Variants in GALC observed in about 807,000 individuals in gnomAD.
GALC encodes galactocerebrosidase.
GALC carries 77 observed loss-of-function variants against 91.8 expected under a neutral mutation model. The observed-to-expected ratio is 0.84, with a 90% CI of 0.70 to 1.01. GALC has a LOEUF of 1.01. GALC is among the 50% of genes least tolerant of loss of function. The pLI is 0.00. For missense variants in GALC, 882 were observed against 855.9 expected (o/e 1.03, Z -0.38); for synonymous variants, 357 against 306.7 (o/e 1.16, Z -1.71).
chr14:87,981,834 A>G (rs1458058336), intron 6 of GALC, among the ~76,000 whole-genome samples: 2 of 152,116 alleles, frequency 1.3e-5, no homozygotes, highest in Admixed American at 6.5e-5. Flanking sequence ...AATATATGCC[A>G]TAAGTTTTGA....
At chr14:87,936,658 G>A (rs1447612118) in intron 16 of GALC, among the ~76,000 whole-genome samples, 1 of 151,292 alleles carries the variant, frequency 6.6e-6, no homozygotes, top group Non-Finnish European at 1.5e-5. Context: ...ATACAGTAGG[G>A]GCTTAATAAA....
chr14:87,986,130 G>C lies in GALC; in HGVS notation c.442+359C>G, dbSNP rs925840960. On this transcript the variant is annotated intron_variant, in intron 4 of 16. Coordinates refer to ENST00000261304, the MANE Select transcript of GALC (RefSeq NM_000153.4). Reference sequence around the variant, plus strand: ...TTTATAAATACTGATGACAGATCTTGTGAAGGAAAGTAGTTTAGCATCATA... The same window carrying C: ...TTTATAAATACTGATGACAGATCTTCTGAAGGAAAGTAGTTTAGCATCATA... 5.3e-5 allele frequency among the ~76,000 whole-genome samples: 8 copies of C among 152,282 alleles called. No individual in the cohort carries two copies. In the East Asian group the frequency reaches 1.2e-3, roughly 22 times the overall value.
chr14:87,954,273 G>C, intron 10 of GALC: 1 of 1,542,296 alleles, frequency 6.5e-7, no homozygotes, highest in Non-Finnish European at 9.0e-7. Context: ...TGATGTATTA[G>C]TCCACACAAT....
At chr14:87,959,808 T>A (rs987715546) in intron 10 of GALC, 2 of 151,524 alleles carry the variant, frequency 1.3e-5, no homozygotes, top group Non-Finnish European at 2.9e-5. Flanking sequence ...ATAAAATATA[T>A]ATGTTAAAGA....
At chr14:87,985,572 C>A (rs1174219351) in intron 4 of GALC, among the ~76,000 whole-genome samples, 2 of 152,018 alleles carry the variant, frequency 1.3e-5, no homozygotes, top group Non-Finnish European at 2.9e-5. Flanking sequence ...TTACAAAAGC[C>A]CATTTATAAA....
At chr14:87,989,856 C>T (rs76872250) in intron 1 of GALC, among the ~76,000 whole-genome samples, 17,215 of 152,180 alleles carry the variant, frequency 0.11, 1,147 homozygotes, top group Non-Finnish European at 0.16. Flanking sequence ...AAGTTCAAAT[C>T]GCTCAATTTT....
At position 87,933,353 on chromosome 14, in the gene GALC, C is replaced by G. The variant is rs994208468; in HGVS notation, c.*1379G>C. 4 of 152,538 alleles carry G rather than the reference C, an allele frequency of 2.6e-5. No individual in the cohort carries two copies. The highest frequency in any genetic ancestry group is 7.2e-5 in the African/African-American group (3 of 41,428). The allele number at this position is 152,538 out of a possible 1,614,324, so 9.4% of individuals were successfully genotyped here. On this transcript the variant is annotated 3_prime_UTR_variant, in exon 17 of 17. Coordinates refer to ENST00000261304, the MANE Select transcript of GALC (RefSeq NM_000153.4). ...GTGATGGAAATATTCTGAAGCTTGACTGGAGTGTTGGTTACATGGGTATAT... is the reference window on the plus strand; with the variant it reads ...GTGATGGAAATATTCTGAAGCTTGAGTGGAGTGTTGGTTACATGGGTATAT...
chr14:87,962,126 T>C (rs1192379874), intron 10 of GALC, among the ~76,000 whole-genome samples: 4 of 152,032 alleles, frequency 2.6e-5, no homozygotes, highest in Non-Finnish European at 5.9e-5. Context: ...CAACTTCAAG[T>C]TGGGGGCCCC....
rs913289671 is a variant in GALC, at chr14:87,955,133, TACA to T, written c.1162-4388_1162-4386del. ...GTGTTAGATGAAAGCAGCTATCCAT[TACA>T]ACAAGATTTCTCCCTCCTGGATTTT... On this transcript the variant is annotated intron_variant, in intron 10 of 16. Coordinates refer to ENST00000261304, the MANE Select transcript of GALC (RefSeq NM_000153.4). 1.2e-5 allele frequency: 16 copies of T among 1,347,262 alleles called. No individual in the cohort carries two copies. The South Asian group carries it at 1.5e-4, about 13-fold the overall frequency. 83.5% of individuals were successfully genotyped at this position (1,347,262 alleles called of 1,614,324 possible). A position where few individuals can be genotyped will look rare whatever the true frequency, so the allele number is the denominator to read the frequency against.
intron 11 of GALC, 124 bp from the exon 12 acceptor site, chr14:87,950,055 C>T (rs1160286179): frequency 3.4e-5 from 19 of 558,018 alleles, no homozygotes; most frequent in Non-Finnish European, 5.8e-5. Flanking sequence ...AAGAGAAACA[C>T]CTCAAATATT....
chr14:87,987,060 G>C (rs1595239653), intron 3 of GALC: 1 of 453,844 alleles, frequency 2.2e-6, no homozygotes, highest in African/African-American at 2.0e-5. Flanking sequence ...AATATGTCTT[G>C]ATATAGGAAG....
At chr14:87,950,826 C>A (rs1885275844) in intron 10 of GALC, 78 bp from the exon 11 acceptor site, 1 of 816,966 alleles carries the variant, frequency 1.2e-6, no homozygotes, top group Non-Finnish European at 2.1e-6. Context: ...ACAGTTAATG[C>A]CCAAGATTAA....
At chr14:87,986,207 A>G (rs1445088837) in intron 4 of GALC, among the ~76,000 whole-genome samples, 1 of 152,230 alleles carries the variant, frequency 6.6e-6, no homozygotes, top group African/African-American at 2.4e-5. Flanking sequence ...CTAACTGTCT[A>G]TGACCTTAGG....
chr14:87,934,095 T>A lies in GALC; in HGVS notation c.*637A>T. 6.6e-7 allele frequency: 1 copy of A among 1,516,398 alleles called. No individual in the cohort carries two copies. The highest frequency in any genetic ancestry group is 8.8e-7 in the Non-Finnish European group (1 of 1,133,288). 93.9% of individuals were successfully genotyped at this position (1,516,398 alleles called of 1,614,324 possible). On this transcript the variant is annotated 3_prime_UTR_variant, in exon 17 of 17. Transcript: ENST00000261304. ...GCAAATAACCCAATTAATCTGCTAA[T>A]ATCTATTACTGCAGAAATAGTGTTA...
Position 87,945,536 on chromosome 14 carries a change from G to A in GALC, c.1670+17C>T, listed in dbSNP as rs1442647884. 6.4e-7 allele frequency: 1 copy of A among 1,560,212 alleles called. No homozygotes were observed. Among genetic ancestry groups the A allele is most frequent in the Non-Finnish European group, 8.8e-7 (1 of 1,131,156 alleles). ...AGGGTATTTCAGCCAGATCCACATT[G>A]AGAACATCAATCTTACCAGTTGTAG... On this transcript the variant is annotated intron_variant, in intron 14 of 16. Coordinates refer to ENST00000261304, the MANE Select transcript of GALC (RefSeq NM_000153.4).
At chr14:87,952,781 T>A (rs1885365391) in intron 10 of GALC, 5 of 1,518,552 alleles carry the variant, frequency 3.3e-6, no homozygotes, top group Middle Eastern at 2.4e-4. Flanking sequence ...ATTCTGTTTC[T>A]GAAACACAGA....
At chr14:87,970,464 T>C (rs935032002) in intron 7 of GALC, among the ~76,000 whole-genome samples, 2 of 152,144 alleles carry the variant, frequency 1.3e-5, no homozygotes, top group Admixed American at 1.3e-4. Flanking sequence ...CAGAAAATGA[T>C]GAAACTGTTA....
At chr14:87,957,902 G>A (rs939413436) in intron 10 of GALC, among the ~76,000 whole-genome samples, 4 of 152,098 alleles carry the variant, frequency 2.6e-5, no homozygotes, top group Non-Finnish European at 5.9e-5. Flanking sequence ...TGGATTGGAA[G>A]AATCAATATT....
intron 10 of GALC, among the ~76,000 whole-genome samples, chr14:87,961,444 C>T (rs1308448792): frequency 6.6e-6 from 1 of 152,066 alleles, no homozygotes; most frequent in Non-Finnish European, 1.5e-5. Context: ...TGTGACCCAG[C>T]AATTCCACTC....
Sources: gnomAD v4.1 joint callset for allele counts (sites outside exome capture counted in the v4.1 genomes callset) on GRCh38, gnomAD v4.1.1 for gene constraint, MANE v1.5 for transcripts, NCBI Gene and HGNC (gene_info 2026-07-23, HGNC 2026-07-21) for gene names.